Variants in ESRRG observed in about 807,000 individuals in gnomAD.
ESRRG encodes the protein estrogen-related receptor gamma.
In ESRRG, 13 loss-of-function variants were observed where a neutral mutation model predicts 44.0. The ratio of observed to expected loss-of-function variants is 0.30; its 90% CI spans 0.19 to 0.47. ESRRG has a LOEUF of 0.47. Among genes scored for constraint, ESRRG ranks in the 20% least tolerant of loss-of-function variants. The pLI, the probability that ESRRG is intolerant of heterozygous loss-of-function variation, is 1.00. For synonymous variants in ESRRG, 215 were observed against 214.6 expected (o/e 1.00, Z -0.02); for missense variants, 395 against 580.6 (o/e 0.68, Z 3.29).
In ESRRG at chr1:217,064,863, C is replaced by T. The variant is rs570061443; in HGVS notation, c.-106+24644G>A. ...TCTACCCTACCCTGGTTATGCTAGA[C>T]CCTGAATAAACTCCCTAAACCTCAA... On this transcript the variant is annotated intron_variant, in intron 1 of 7. Transcript: ENST00000359162. Among the ~76,000 whole-genome samples, 3 of 152,228 alleles carry T rather than the reference C, an allele frequency of 2.0e-5. No individual in the cohort carries two copies. The East Asian group carries it at 5.8e-4, about 29-fold the overall frequency.
intron 6 of ESRRG, among the ~76,000 whole-genome samples, chr1:216,514,776 T>C (rs1423598880): frequency 6.6e-6 from 1 of 152,154 alleles, no homozygotes; most frequent in Non-Finnish European, 1.5e-5. Flanking sequence ...ACATGCCTAC[T>C]GCACAGGCAT....
intron 1 of ESRRG, among the ~76,000 whole-genome samples, chr1:216,977,313 CACAA>C (rs1367219950): frequency 1.4e-5 from 2 of 145,386 alleles, no homozygotes; most frequent in African/African-American, 2.5e-5. Context: ...TGGGAGACTA[CACAA>C]ACAAAGTTTC....
intron 2 of ESRRG, among the ~76,000 whole-genome samples, chr1:216,791,099 A>G (rs1214046251): frequency 2.0e-5 from 3 of 152,162 alleles, no homozygotes; most frequent in Non-Finnish European, 2.9e-5. Context: ...AGAACAACAT[A>G]TCAGGGTGAT....
chr1:217,040,575 T>C (rs764246652), intron 1 of ESRRG, among the ~76,000 whole-genome samples: 2 of 152,164 alleles, frequency 1.3e-5, no homozygotes, highest in Non-Finnish European at 2.9e-5. Flanking sequence ...CTGATGACTG[T>C]TTTAGTTTTG....
intron 1 of ESRRG, among the ~76,000 whole-genome samples, chr1:216,708,479 G>A (rs1470449912): frequency 6.6e-6 from 1 of 152,080 alleles, no homozygotes; most frequent in Non-Finnish European, 1.5e-5. Context: ...AATGACAGTG[G>A]TCATTGGAGA....
intron 2 of ESRRG, among the ~76,000 whole-genome samples, chr1:216,661,196 C>T (rs1322350552): frequency 2.6e-5 from 4 of 152,110 alleles, no homozygotes; most frequent in Admixed American, 1.3e-4. Context: ...TGTACAGTCT[C>T]TTCTTCTTAG....
At chr1:217,044,837 G>A (rs998643207) in intron 1 of ESRRG, among the ~76,000 whole-genome samples, 8 of 152,094 alleles carry the variant, frequency 5.3e-5, no homozygotes, top group South Asian at 4.1e-4. Context: ...TCAGGCACAC[G>A]TGTACACATA....
chr1:216,996,422 TATAG>T, intron 1 of ESRRG, among the ~76,000 whole-genome samples: 1 of 151,536 alleles, frequency 6.6e-6, no homozygotes, highest in Middle Eastern at 3.4e-3. Context: ...TAGGTAACAG[TATAG>T]ATAAATCAGA....
intron 1 of ESRRG, among the ~76,000 whole-genome samples, chr1:216,709,496 T>A (rs2151953817): frequency 6.6e-6 from 1 of 152,170 alleles, no homozygotes; most frequent in South Asian, 2.1e-4. Context: ...TTTAATCTAA[T>A]ATATACTAGA....
chr1:216,685,011 T>C (rs2077665800), intron 1 of ESRRG, among the ~76,000 whole-genome samples: 1 of 152,144 alleles, frequency 6.6e-6, no homozygotes, highest in Non-Finnish European at 1.5e-5. Flanking sequence ...GCACAGCAGA[T>C]GGAAAAACAA....
At chr1:216,598,504 A>T (rs1023377171) in intron 3 of ESRRG, among the ~76,000 whole-genome samples, 1 of 152,332 alleles carries the variant, frequency 6.6e-6, no homozygotes. Flanking sequence ...AATGGAGGCA[A>T]CAATTAGAAG....
chr1:216,974,546 A>G (rs2072459054), intron 1 of ESRRG, among the ~76,000 whole-genome samples: 1 of 152,172 alleles, frequency 6.6e-6, no homozygotes, highest in Non-Finnish European at 1.5e-5. Flanking sequence ...ATTAGCCTCC[A>G]AAGTTCTCAG....
At chr1:216,947,254 A>G (rs1275388087) in intron 1 of ESRRG, among the ~76,000 whole-genome samples, 1 of 152,074 alleles carries the variant, frequency 6.6e-6, no homozygotes, top group Non-Finnish European at 1.5e-5. Flanking sequence ...GGCGCTTTAC[A>G]TTTTGCCTGA....
intron 2 of ESRRG, among the ~76,000 whole-genome samples, chr1:216,876,235 T>C (rs1333370794): frequency 6.6e-6 from 1 of 152,202 alleles, no homozygotes; most frequent in Non-Finnish European, 1.5e-5. Flanking sequence ...AACCTTTAAT[T>C]AAATGGTTCA....
chr1:217,058,900 T>C (rs1433810183), intron 1 of ESRRG, among the ~76,000 whole-genome samples: 1 of 147,218 alleles, frequency 6.8e-6, no homozygotes, highest in Non-Finnish European at 1.5e-5. Context: ...ATAATGTAAA[T>C]ATAGAATAAA....
chr1:216,515,028 C>A (rs1194317701), intron 6 of ESRRG, among the ~76,000 whole-genome samples: 1 of 151,390 alleles, frequency 6.6e-6, no homozygotes, highest in Non-Finnish European at 1.5e-5. Context: ...TGTATGAAAC[C>A]AAACTGGCCA....
intron 3 of ESRRG, among the ~76,000 whole-genome samples, chr1:216,640,356 T>A (rs1363680907): frequency 6.6e-6 from 1 of 152,034 alleles, no homozygotes; most frequent in Admixed American, 6.6e-5. Flanking sequence ...CTCCACTGAG[T>A]GGCTTTTGTG....
rs952061135 is a variant in ESRRG, at chr1:216,506,801, T to C, written c.*138A>G. ...ATGGAGGAATCTGAAAGCTGCTTCATAGTCTTGCTGCTAAATTATCAGTGC... is the reference window on the plus strand; with the variant it reads ...ATGGAGGAATCTGAAAGCTGCTTCACAGTCTTGCTGCTAAATTATCAGTGC... On this transcript the variant is annotated 3_prime_UTR_variant, in exon 7 of 7. Coordinates refer to ENST00000408911, the MANE Select transcript of ESRRG (RefSeq NM_001438.4). 1.6e-5 allele frequency: 15 copies of C among 919,734 alleles called. No homozygotes were observed. The Admixed American group carries it at 3.0e-4, about 18-fold the overall frequency. The allele number at this position is 919,734 out of a possible 1,614,324, so 57.0% of individuals were successfully genotyped here. A position where few individuals can be genotyped will look rare whatever the true frequency, so the allele number is the denominator to read the frequency against.
At chr1:216,622,525 T>C (rs945251688) in intron 3 of ESRRG, among the ~76,000 whole-genome samples, 1 of 152,104 alleles carries the variant, frequency 6.6e-6, no homozygotes, top group African/African-American at 2.4e-5. Context: ...CTACACGTTG[T>C]AAAAATTTTG....
Sources: allele counts gnomAD v4.1 joint callset (sites outside exome capture counted in the v4.1 genomes callset), GRCh38; gene constraint gnomAD v4.1.1; transcripts MANE v1.5; gene names NCBI Gene and HGNC (gene_info 2026-07-23, HGNC 2026-07-21).